The following NHSL3 variants were observed in gnomAD, a reference collection of about 807,000 sequenced individuals.
The protein encoded by NHSL3 is NHS like 3.
chr1:32,768,182 T>G, the NHSL3 span: 1 of 1,108,184 alleles, frequency 9.0e-7, no homozygotes, highest in Non-Finnish European at 1.4e-6. Flanking sequence ...CAAGGATGTC[T>G]TGGAACATTT....
the NHSL3 span, among the ~76,000 whole-genome samples, chr1:32,745,125 A>G: frequency 6.8e-6 from 1 of 146,782 alleles, no homozygotes; most frequent in Non-Finnish European, 1.5e-5. Context: ...GACTCAGAAA[A>G]AAAAAAAAGA....
the NHSL3 span, among the ~76,000 whole-genome samples, chr1:32,762,354 A>G: frequency 3.3e-5 from 5 of 152,124 alleles, no homozygotes; most frequent in South Asian, 1.0e-3. Context: ...CTGGTGGGAT[A>G]CTGCACAGAT....
chr1:32,742,025 G>A, the NHSL3 span: 11 of 1,246,990 alleles, frequency 8.8e-6, no homozygotes, highest in Non-Finnish European at 1.1e-5. Context: ...CCCCCGCGCA[G>A]GAAGAAGTCC....
At chr1:32,770,046 G>A in the NHSL3 span, 2 of 1,578,518 alleles carry the variant, frequency 1.3e-6, no homozygotes, top group South Asian at 1.2e-5. This position sits in a 1 kb window ranked among gnomAD's most constrained non-coding sequence, Gnocchi z 8.3. Flanking sequence ...CTGAGACAGA[G>A]GCCATGCTGC....
chr1:32,774,707 G>A, the NHSL3 span: 4 of 152,580 alleles, frequency 2.6e-5, no homozygotes, highest in Non-Finnish European at 1.5e-5. Flanking sequence ...AGAGGACAAA[G>A]GAGAAGGGAG....
At chr1:32,770,393 G>A in the NHSL3 span, 37 of 1,607,566 alleles carry the variant, frequency 2.3e-5, 1 homozygote, top group South Asian at 8.8e-5. The surrounding 1 kb of genome is among the most constrained non-coding windows in gnomAD (Gnocchi z 8.3). Context: ...CCACAGCCCC[G>A]CAGCCGCCAC....
the NHSL3 span, among the ~76,000 whole-genome samples, chr1:32,756,988 G>C: frequency 3.3e-5 from 5 of 152,264 alleles, no homozygotes; most frequent in Non-Finnish European, 1.5e-5. Flanking sequence ...AAAACAAATG[G>C]AGTTGAGACT....
At chr1:32,771,240 A>G in the NHSL3 span, 1 of 1,609,612 alleles carries the variant, frequency 6.2e-7, no homozygotes, top group Non-Finnish European at 8.5e-7. Context: ...CCCCTGCTCT[A>G]GCCGCCCCTG....
At chr1:32,770,214 C>T in the NHSL3 span, 8 of 1,604,744 alleles carry the variant, frequency 5.0e-6, no homozygotes, top group African/African-American at 8.0e-5. This position sits in a 1 kb window ranked among gnomAD's most constrained non-coding sequence, Gnocchi z 8.3. Flanking sequence ...TGTCCATCTC[C>T]CCCCAGGCCA....
the NHSL3 span, chr1:32,754,050 G>A: frequency 1.6e-6 from 1 of 630,504 alleles, no homozygotes; most frequent in Non-Finnish European, 2.9e-6. Flanking sequence ...CGGGCTGGCT[G>A]GGCCGCGCTT....
the NHSL3 span, chr1:32,770,756 A>G: frequency 6.4e-7 from 1 of 1,571,884 alleles, no homozygotes; most frequent in South Asian, 1.2e-5. The surrounding 1 kb of genome is among the most constrained non-coding windows in gnomAD (Gnocchi z 8.3). Context: ...CCTAAGCCTG[A>G]GCGTAAGCAG....
At chr1:32,772,284 A>ATAAC in the NHSL3 span, 1 of 819,046 alleles carries the variant, frequency 1.2e-6, no homozygotes, top group Non-Finnish European at 1.8e-6. Context: ...GAGTCCCCCC[A>ATAAC]CCCGCCTCCC....
the NHSL3 span, among the ~76,000 whole-genome samples, chr1:32,752,542 TGAG>T: frequency 1.2e-4 from 18 of 152,312 alleles, no homozygotes; most frequent in African/African-American, 4.3e-4. Context: ...ACACCTGTGA[TGAG>T]GAGACAGAGG....
chr1:32,752,223 T>A, the NHSL3 span, among the ~76,000 whole-genome samples: 1 of 151,984 alleles, frequency 6.6e-6, no homozygotes. Context: ...GTTGTCAACC[T>A]GAGACTCTAG....
the NHSL3 span, chr1:32,771,053 C>CCGTCTCCT: frequency 1.9e-6 from 3 of 1,613,700 alleles, no homozygotes; most frequent in Admixed American, 5.0e-5. Flanking sequence ...CCTGGGGCCT[C>CCGTCTCCT]CGTCTCCTCT....
chr1:32,772,876 G>A, the NHSL3 span: 1 of 1,614,126 alleles, frequency 6.2e-7, no homozygotes, highest in Non-Finnish European at 8.5e-7. Flanking sequence ...CTCACAGAAA[G>A]AGCTGGCCTG....
At chr1:32,770,334 C>T in the NHSL3 span, 3 of 1,612,016 alleles carry the variant, frequency 1.9e-6, no homozygotes, top group Non-Finnish European at 2.5e-6. The surrounding 1 kb of genome is among the most constrained non-coding windows in gnomAD (Gnocchi z 8.3). Context: ...TGCACTCGGC[C>T]AGCCCAGCCT....
the NHSL3 span, among the ~76,000 whole-genome samples, chr1:32,752,872 C>T: frequency 2.1e-5 from 3 of 145,340 alleles, no homozygotes; most frequent in South Asian, 4.5e-4. Flanking sequence ...AGCCACAATG[C>T]CTGGCGTTTT....
At chr1:32,743,490 AG>A in the NHSL3 span, among the ~76,000 whole-genome samples, 1 of 152,164 alleles carries the variant, frequency 6.6e-6, no homozygotes, top group Admixed American at 6.5e-5. Flanking sequence ...GTGTTTCCAA[AG>A]CCTCTGCAGT....
Sources: allele counts gnomAD v4.1 joint callset (sites outside exome capture counted in the v4.1 genomes callset), GRCh38; gene constraint gnomAD v4.1.1; non-coding constraint Gnocchi (gnomAD v3.1); transcripts MANE v1.5; gene names NCBI Gene and HGNC (gene_info 2026-07-23, HGNC 2026-07-21).